The following RANBP2 variants were observed in gnomAD, a reference collection of about 807,000 sequenced individuals.
RANBP2 encodes the protein E3 SUMO-protein ligase RanBP2.
A neutral mutation model predicts 303.6 loss-of-function variants in RANBP2; 57 were observed. That is an observed-to-expected ratio of 0.19 (90% CI 0.15 to 0.23). The LOEUF (loss-of-function observed/expected upper bound fraction) is 0.23. RANBP2 is among the 10% of genes least tolerant of loss of function. The pLI is 1.00. For synonymous variants in RANBP2, 1,167 were observed against 1,301.5 expected (o/e 0.90, Z 2.23); for missense variants, 3,138 against 3,780.8 (o/e 0.83, Z 4.46).
the RANBP2 span, among the ~76,000 whole-genome samples, chr2:109,456,772 A>C: frequency 6.6e-6 from 1 of 152,240 alleles, no homozygotes; most frequent in East Asian, 1.9e-4. Flanking sequence ...CCAAGGCCAC[A>C]CAACGAGTAG....
the RANBP2 span, among the ~76,000 whole-genome samples, chr2:109,264,669 C>T: frequency 6.6e-6 from 1 of 152,182 alleles, no homozygotes; most frequent in South Asian, 2.1e-4. Flanking sequence ...GATAACAGCC[C>T]CTCCCACTGA....
the RANBP2 span, among the ~76,000 whole-genome samples, chr2:109,320,092 T>C: frequency 2.0e-5 from 3 of 152,180 alleles, no homozygotes; most frequent in African/African-American, 7.2e-5. Context: ...GTCCCTTCCT[T>C]AGGCCTGGAA....
the RANBP2 span, among the ~76,000 whole-genome samples, chr2:109,450,761 G>A: frequency 2.0e-5 from 3 of 152,202 alleles, no homozygotes; most frequent in East Asian, 5.8e-4. Flanking sequence ...TATCCCTAGG[G>A]CGTTGGGCTG....
At chr2:109,245,985 C>T in the RANBP2 span, among the ~76,000 whole-genome samples, 279 of 152,290 alleles carry the variant, frequency 1.8e-3, no homozygotes, top group African/African-American at 6.1e-3. Flanking sequence ...GGCTTATTCA[C>T]AAAAAACCAG....
the RANBP2 span, among the ~76,000 whole-genome samples, chr2:109,443,566 TTA>T: frequency 6.6e-6 from 1 of 152,218 alleles, no homozygotes; most frequent in South Asian, 2.1e-4. Flanking sequence ...TGAGAATAGA[TTA>T]TATGATGCTA....
At chr2:109,018,296 C>A in the RANBP2 span, among the ~76,000 whole-genome samples, 2 of 152,200 alleles carry the variant, frequency 1.3e-5, no homozygotes, top group African/African-American at 4.8e-5. Flanking sequence ...ATGGAGGAAG[C>A]AGGAGCAAAG....
chr2:108,764,839 A>G lies in RANBP2; in HGVS notation c.4300A>G (p.Arg1434Gly), dbSNP rs1220628988. Residue 1434 changes from arginine (R) to glycine (G), a missense_variant, in exon 20 of 29, where the codon AGG becomes GGG. Around this residue, in one of 20 missense-constraint regions of RANBP2, gnomAD observed 388 missense variants for 328.5 expected, o/e 1.18. Transcript: ENST00000283195. ...AGTAAGAAATGAACCTACTGTATCT[A>G]GGTGCATTGCGTGTCAGAATACAAA... ...CLVRNEPTVS[R>G]CIACQNTKSA... 1 of 1,613,986 alleles carries G rather than the reference A, an allele frequency of 6.2e-7. No homozygotes were observed. The highest frequency in any genetic ancestry group is 8.5e-7 in the Non-Finnish European group (1 of 1,179,978).
the RANBP2 span, among the ~76,000 whole-genome samples, chr2:109,323,111 G>A: frequency 1.3e-5 from 2 of 152,162 alleles, no homozygotes; most frequent in African/African-American, 2.4e-5. Flanking sequence ...CACTGTGCCC[G>A]GGCTCCCAGC....
At chr2:109,764,019 C>T in the RANBP2 span, among the ~76,000 whole-genome samples, 103 of 144,320 alleles carry the variant, frequency 7.1e-4, 1 homozygote, top group African/African-American at 2.6e-3. Context: ...GCACGCTCTT[C>T]CTGCCACTCA....
chr2:108,734,324 G>GA (rs1367517043), intron 4 of RANBP2, among the ~76,000 whole-genome samples: 3 of 152,118 alleles, frequency 2.0e-5, no homozygotes, highest in African/African-American at 7.2e-5. Context: ...GGAAGTTGAG[G>GA]AAATAGGAGG....
At chr2:109,313,276 A>AC in the RANBP2 span, among the ~76,000 whole-genome samples, 1 of 152,204 alleles carries the variant, frequency 6.6e-6, no homozygotes, top group East Asian at 1.9e-4. Flanking sequence ...CCCAGGCCTT[A>AC]CCCCAAACCT....
chr2:109,148,851 TA>T, the RANBP2 span, among the ~76,000 whole-genome samples: 4 of 139,032 alleles, frequency 2.9e-5, no homozygotes, highest in South Asian at 2.4e-4. Flanking sequence ...TGTTTTTTTT[TA>T]AAAAGTATTT....
At chr2:109,454,508 A>C in the RANBP2 span, among the ~76,000 whole-genome samples, 1 of 152,196 alleles carries the variant, frequency 6.6e-6, no homozygotes, top group African/African-American at 2.4e-5. Context: ...GACCAAGTCC[A>C]CACGGTGAGA....
At chr2:109,311,468 A>C in the RANBP2 span, among the ~76,000 whole-genome samples, 1 of 148,960 alleles carries the variant, frequency 6.7e-6, no homozygotes, top group Non-Finnish European at 1.5e-5. Context: ...CTCCTATTCA[A>C]CATAGTGTTG....
the RANBP2 span, among the ~76,000 whole-genome samples, chr2:109,236,856 G>T: frequency 6.6e-6 from 1 of 152,166 alleles, no homozygotes; most frequent in Non-Finnish European, 1.5e-5. Flanking sequence ...ACAGTCTCCG[G>T]CTGTGAAACG....
the RANBP2 span, among the ~76,000 whole-genome samples, chr2:109,210,610 G>A: frequency 1.3e-5 from 2 of 152,308 alleles, no homozygotes; most frequent in South Asian, 4.1e-4. Flanking sequence ...GTCCAGCTCA[G>A]GGAAGTGCCT....
chr2:109,179,690 G>A, the RANBP2 span, among the ~76,000 whole-genome samples: 1 of 152,090 alleles, frequency 6.6e-6, no homozygotes, highest in Non-Finnish European at 1.5e-5. Flanking sequence ...AAAGCCACAA[G>A]TCCCATCATG....
At chr2:109,428,956 G>A in the RANBP2 span, among the ~76,000 whole-genome samples, 12 of 152,134 alleles carry the variant, frequency 7.9e-5, no homozygotes, top group Admixed American at 2.6e-4. Context: ...AGACTGGCTC[G>A]CCACTGAGTG....
the RANBP2 span, among the ~76,000 whole-genome samples, chr2:109,083,775 C>T: frequency 1.3e-5 from 2 of 152,184 alleles, no homozygotes; most frequent in Non-Finnish European, 2.9e-5. Flanking sequence ...ACCTGCAGTG[C>T]ACAACACAGC....
Sources: gnomAD v4.1 joint callset for allele counts (sites outside exome capture counted in the v4.1 genomes callset) on GRCh38, gnomAD v4.1.1 for gene constraint, gnomAD v4.1.1 regional missense constraint, MANE v1.5 for transcripts, NCBI Gene and HGNC (gene_info 2026-07-23, HGNC 2026-07-21) for gene names.